Variants in SLC26A5 observed in about 807,000 individuals in gnomAD.
The protein encoded by SLC26A5 is solute carrier family 26 member 5, also known as prestin.
Under a neutral mutation model 81.0 loss-of-function variants are expected in SLC26A5, and 51 were observed. The observed-to-expected ratio is 0.63, with a 90% confidence interval of 0.50 to 0.80. The LOEUF (loss-of-function observed/expected upper bound fraction) is 0.80, where lower values mean the gene tolerates loss of function less well. Among genes scored for constraint, SLC26A5 ranks in the 30% least tolerant of loss-of-function variants. The pLI, the probability that SLC26A5 is intolerant of heterozygous loss-of-function variation, is 0.00. For synonymous variants in SLC26A5, 325 were observed against 332.8 expected (o/e 0.98, Z 0.25); for missense variants, 771 against 905.8 (o/e 0.85, Z 1.91).
intron 8 of SLC26A5, among the ~76,000 whole-genome samples, chr7:103,406,981 C>G (rs1327089988): frequency 2.0e-5 from 3 of 152,288 alleles, no homozygotes. Context: ...CCTTGCCGCT[C>G]CCACACACGT....
chr7:103,423,594 G>T (rs1825515989), intron 2 of SLC26A5, among the ~76,000 whole-genome samples: 1 of 152,106 alleles, frequency 6.6e-6, no homozygotes. Flanking sequence ...TTAGCACAGG[G>T]AGTTCACCCC....
chr7:103,445,556 G>T (rs1209915401), intron 1 of SLC26A5: 1 of 152,372 alleles, frequency 6.6e-6, no homozygotes, highest in East Asian at 1.9e-4. Flanking sequence ...CAGAGACCCG[G>T]GGTTTGAGCC....
At chr7:103,376,997 T>C (rs1821401780) in intron 18 of SLC26A5, 135 bp from the exon 19 acceptor site, 10 of 635,396 alleles carry the variant, frequency 1.6e-5, no homozygotes, top group Non-Finnish European at 2.8e-5. Flanking sequence ...TAATGATGTA[T>C]TTTTGAGCTA....
At chr7:103,434,221 C>T (rs913550051) in intron 2 of SLC26A5, among the ~76,000 whole-genome samples, 10 of 152,186 alleles carry the variant, frequency 6.6e-5, no homozygotes, top group African/African-American at 9.7e-5. Flanking sequence ...ATTTCACCCT[C>T]ACGCTTGATA....
intron 19 of SLC26A5, among the ~76,000 whole-genome samples, chr7:103,357,747 G>C (rs1820119277): frequency 1.3e-5 from 2 of 152,134 alleles, no homozygotes; most frequent in South Asian, 4.1e-4. Context: ...ACTTCTTTTA[G>C]TGGTGGTTGT....
At chr7:103,406,356 G>A (rs992086725) in intron 8 of SLC26A5, among the ~76,000 whole-genome samples, 5 of 152,194 alleles carry the variant, frequency 3.3e-5, no homozygotes, top group African/African-American at 1.2e-4. Context: ...TGAAGACCAT[G>A]AGAAAAGCAT....
At chr7:103,376,252 T>A (rs2116337470) in intron 19 of SLC26A5, among the ~76,000 whole-genome samples, 1 of 152,042 alleles carries the variant, frequency 6.6e-6, no homozygotes, top group South Asian at 2.1e-4. Context: ...ATTTTTGTAT[T>A]TTTAGTAGAG....
chr7:103,399,372 G>A (rs1025701156), intron 8 of SLC26A5, among the ~76,000 whole-genome samples: 2 of 152,192 alleles, frequency 1.3e-5, no homozygotes, highest in Non-Finnish European at 2.9e-5. Flanking sequence ...TAGCCCCAGT[G>A]AGAGAAGAGG....
intron 7 of SLC26A5, among the ~76,000 whole-genome samples, chr7:103,408,578 T>C (rs1047041983): frequency 6.6e-6 from 1 of 152,160 alleles, no homozygotes; most frequent in Non-Finnish European, 1.5e-5. Context: ...GATGTCTCAA[T>C]GTAATATTAT....
chr7:103,377,518 C>G, intron 18 of SLC26A5, 81 bp downstream of exon 18: 1 of 1,309,766 alleles, frequency 7.6e-7, no homozygotes, highest in South Asian at 1.2e-5. Context: ...GAAAAGAGAG[C>G]CTAGCCCACC....
At chr7:103,368,199 T>C (rs78804802) in intron 19 of SLC26A5, 35,850 of 762,866 alleles carry the variant, frequency 0.047, 1,220 homozygotes, top group African/African-American at 0.14. Flanking sequence ...AAAAGGTGAT[T>C]TCTAATGTTA....
intron 8 of SLC26A5, 77 bp downstream of exon 8, chr7:103,407,774 C>G: frequency 6.5e-7 from 1 of 1,532,960 alleles, no homozygotes; most frequent in Non-Finnish European, 8.9e-7. Flanking sequence ...TTCCTTTCAT[C>G]CACTTCAAAA....
chr7:103,392,844 T>C (rs947304997), intron 10 of SLC26A5, 75 bp downstream of exon 10: 1 of 1,588,856 alleles, frequency 6.3e-7, no homozygotes, highest in Admixed American at 1.7e-5. Context: ...CCCGAAGTGC[T>C]GGGATTACAG....
In SLC26A5 at chr7:103,431,832, G is replaced by A. The variant is rs190149091; in HGVS notation, c.-53-10265C>T. On this transcript the variant is annotated intron_variant, in intron 2 of 19. Transcript: ENST00000306312. ...ACACTTCCCAATCTTTCCTGGAATC[G>A]AGAACTACTGCTCTAAGTAATAAAA... 3.3e-5 allele frequency among the ~76,000 whole-genome samples: 5 copies of A among 151,232 alleles called. No homozygotes were observed. The East Asian group carries it at 7.8e-4, about 24-fold the overall frequency.
At chr7:103,383,719 C>T (rs542900173) in intron 14 of SLC26A5, among the ~76,000 whole-genome samples, 6 of 152,132 alleles carry the variant, frequency 3.9e-5, no homozygotes, top group African/African-American at 7.2e-5. Context: ...CTGTGGCCCA[C>T]GCTGGAGTGC....
At chr7:103,398,403 A>G (rs1219138334) in intron 8 of SLC26A5, among the ~76,000 whole-genome samples, 1 of 152,218 alleles carries the variant, frequency 6.6e-6, no homozygotes, top group East Asian at 1.9e-4. Context: ...AGGGTGGTAC[A>G]ATGACACTGT....
intron 8 of SLC26A5, among the ~76,000 whole-genome samples, chr7:103,399,738 A>G (rs1823426210): frequency 6.6e-6 from 1 of 152,126 alleles, no homozygotes; most frequent in Non-Finnish European, 1.5e-5. Flanking sequence ...ACCCATGGAC[A>G]GGCCCCAGTG....
chr7:103,370,668 G>A (rs777910860), downstream of SLC26A5, among the ~76,000 whole-genome samples: 2 of 152,196 alleles, frequency 1.3e-5, no homozygotes, highest in African/African-American at 2.4e-5. Flanking sequence ...CACTGCAGAT[G>A]AGATTGGCAA....
Position 103,374,381 on chromosome 7 carries a change from C to G in SLC26A5, c.*18G>C, listed in dbSNP as rs941474807. On this transcript the variant is annotated 3_prime_UTR_variant, in exon 20 of 20. Coordinates refer to ENST00000306312, the MANE Select transcript of SLC26A5 (RefSeq NM_198999.3). ...TTCATGAGAGGCTTATAACCCCATC[C>G]TAGGGTGAGGTCCTCATCTATGCCT... 2 of 1,611,852 alleles carry G rather than the reference C, an allele frequency of 1.2e-6. No individual in the cohort carries two copies. Among genetic ancestry groups the G allele is most frequent in the Non-Finnish European group, 8.5e-7 (1 of 1,179,912 alleles).
Sources: allele counts gnomAD v4.1 joint callset (sites outside exome capture counted in the v4.1 genomes callset), GRCh38; gene constraint gnomAD v4.1.1; transcripts MANE v1.5; gene names NCBI Gene and HGNC (gene_info 2026-07-23, HGNC 2026-07-21).